Variants in HPS1 observed in about 807,000 individuals in gnomAD.
HPS1 encodes the protein BLOC-3 complex member HPS1.
In HPS1, 59 loss-of-function variants were observed where a neutral mutation model predicts 90.6. That is an observed-to-expected ratio of 0.65 (90% CI 0.53 to 0.81). The LOEUF (loss-of-function observed/expected upper bound fraction) is 0.81, where lower values mean the gene tolerates loss of function less well. HPS1 is among the 30% of genes least tolerant of loss of function. The pLI is 0.00. For missense variants in HPS1, 849 were observed against 896.7 expected (o/e 0.95, Z 0.68); for synonymous variants, 388 against 384.4 (o/e 1.01, Z -0.11).
intron 3 of HPS1, among the ~76,000 whole-genome samples, chr10:98,438,195 T>C (rs1213058151): frequency 6.6e-6 from 1 of 152,176 alleles, no homozygotes; most frequent in Non-Finnish European, 1.5e-5. Flanking sequence ...AGTAAATTGG[T>C]ACCACAGAGA....
intron 1 of HPS1, 43 bp downstream of exon 1, chr10:98,446,764 G>A (rs1591184881): frequency 6.6e-6 from 1 of 152,346 alleles, no homozygotes; most frequent in Non-Finnish European, 1.5e-5. Flanking sequence ...CGGAGTGGGT[G>A]AGGCTAGGAG....
intron 8 of HPS1, 127 bp downstream of exon 8, chr10:98,430,444 C>G: frequency 1.3e-6 from 1 of 748,786 alleles, no homozygotes; most frequent in South Asian, 1.5e-5. Flanking sequence ...TCACGCCCAA[C>G]CACACACCCA....
Position 98,423,796 on chromosome 10 carries a change from G to A in HPS1, c.1489C>T (p.His497Tyr). Reference protein sequence around the residue: ...LTTAPSRGGPHLPQHLQDQVQ... With the variant: ...LTTAPSRGGPYLPQHLQDQVQ... ...TGGTCCTGCAGGTGCTGGGGCAGGTGTGGGCCTCCCCTGCTGGGGGCTGTG... is the reference window on the plus strand; with the variant it reads ...TGGTCCTGCAGGTGCTGGGGCAGGTATGGGCCTCCCCTGCTGGGGGCTGTG... The change falls in exon 15 of 20, where the codon CAC becomes TAC. Residue 497 changes from histidine (H) to tyrosine (Y), a missense_variant. His to Tyr is a moderately conservative substitution (Grantham distance 83). Coordinates refer to ENST00000361490, the MANE Select transcript of HPS1 (RefSeq NM_000195.5). The A allele has an allele frequency of 6.2e-7, 1 of 1,614,072 alleles. No homozygotes were observed. The highest frequency in any genetic ancestry group is 1.1e-5 in the South Asian group (1 of 91,088).
In HPS1 at chr10:98,417,575, G is replaced by T. The variant is rs1422023602; in HGVS notation, c.2092C>A (p.Pro698Thr). 3 of 1,611,068 alleles carry T rather than the reference G, an allele frequency of 1.9e-6. No individual in the cohort carries two copies. Among genetic ancestry groups the T allele is most frequent in the Non-Finnish European group, 2.5e-6 (3 of 1,179,342 alleles). Residue 698 changes from proline (P) to threonine (T), a missense_variant, in exon 20 of 20, where the codon CCC becomes ACC. Coordinates refer to ENST00000361490, the MANE Select transcript of HPS1 (RefSeq NM_000195.5). The surrounding 1 kb of genome is among the most constrained non-coding windows in gnomAD (Gnocchi z 4.2). Reference protein sequence around the residue: ...ARRLWEASRIPLL With the variant: ...ARRLWEASRITLL ...GCGGCCACCTTGGCCTAGAGCAGGG[G>T]GATACGGGAGGCCTCCCAGAGGCGC...
At position 98,443,205 on chromosome 10, in the gene HPS1, C is replaced by T. The variant is rs1253106638; in HGVS notation, c.36G>A (p.Glu12=). ...CCTGATCTGTCCAGTAGAAGAGGACCTCTGCGCCCTCAGTGGCCACCAAGA... is the reference window on the plus strand; with the variant it reads ...CCTGATCTGTCCAGTAGAAGAGGACTTCTGCGCCCTCAGTGGCCACCAAGA... The part of the protein sequence containing the change: ...KCVLVATEGA[E]VLFYWTDQEF... Residue 12 remains glutamate (E), a synonymous_variant, in exon 3 of 20, where the codon GAG becomes GAA. Coordinates refer to ENST00000361490, the MANE Select transcript of HPS1 (RefSeq NM_000195.5). 6.2e-7 allele frequency: 1 copy of T among 1,614,108 alleles called. No homozygotes were observed. The highest frequency in any genetic ancestry group is 8.5e-7 in the Non-Finnish European group (1 of 1,180,014).
At position 98,435,126 on chromosome 10, in the gene HPS1, G is replaced by T. The variant is rs1329195207; in HGVS notation, c.398+146C>A. 1.0e-5 allele frequency: 9 copies of T among 873,318 alleles called. No homozygotes were observed. The highest frequency in any genetic ancestry group is 7.4e-5 in the South Asian group (5 of 67,864). The allele number at this position is 873,318 out of a possible 1,614,324, so 54.1% of individuals were successfully genotyped here. A position where few individuals can be genotyped will look rare whatever the true frequency, so the allele number is the denominator to read the frequency against. On this transcript the variant is annotated intron_variant, in intron 5 of 19. Coordinates refer to ENST00000361490, the MANE Select transcript of HPS1 (RefSeq NM_000195.5). This position sits in a 1 kb window ranked among gnomAD's most constrained non-coding sequence, Gnocchi z 4.3. ...GAGGGTCAGACCAGATGGTCTCCAA[G>T]GTTCACTTGAGCTGTTTCTCTGACC...
intron 3 of HPS1, among the ~76,000 whole-genome samples, chr10:98,441,523 C>T (rs559011912): frequency 2.0e-5 from 3 of 152,264 alleles, no homozygotes; most frequent in East Asian, 3.9e-4. Context: ...TGGATAAACT[C>T]GAGTTCTAAT....
In HPS1 at chr10:98,444,947, G is replaced by A. The variant is rs557717981; in HGVS notation, c.-1+353C>T. 2.8e-3 allele frequency among the ~76,000 whole-genome samples: 421 copies of A among 152,324 alleles called. 1 individual carries two copies. Among genetic ancestry groups the A allele is most frequent in the Non-Finnish European group, 5.0e-3 (337 of 68,030 alleles). On this transcript the variant is annotated intron_variant, in intron 2 of 19. Coordinates refer to ENST00000361490, the MANE Select transcript of HPS1 (RefSeq NM_000195.5). The stretch of plus-strand genomic sequence containing the variant: ...AGCAGTGGGCTATGGAATGGAGGCT[G>A]TGGTTGTGAGCGGAGAAGTGACCGG...
At chr10:98,414,013 TTAAAA>T (rs1340130176), downstream of HPS1, 2 of 152,226 alleles carry the variant, frequency 1.3e-5, no homozygotes, top group African/African-American at 4.8e-5. Context: ...ATTTCAATAT[TTAAAA>T]TAAGCATGTG....
chr10:98,430,096 A>G (rs1306810169), intron 8 of HPS1, among the ~76,000 whole-genome samples: 1 of 152,130 alleles, frequency 6.6e-6, no homozygotes, highest in East Asian at 1.9e-4. Context: ...TTCCAACACA[A>G]TGGTATCCAA....
In HPS1 at chr10:98,424,476, C is replaced by T. The variant is rs1845335645; in HGVS notation, c.1336-102G>A. 1.5e-5 allele frequency: 15 copies of T among 998,450 alleles called. No individual in the cohort carries two copies. The Admixed American group carries it at 2.9e-4, about 20-fold the overall frequency. The allele number at this position is 998,450 out of a possible 1,614,324, so 61.8% of individuals were successfully genotyped here. A position where few individuals can be genotyped will look rare whatever the true frequency, so the allele number is the denominator to read the frequency against. On this transcript the variant is annotated intron_variant, in intron 13 of 19. Coordinates refer to ENST00000361490, the MANE Select transcript of HPS1 (RefSeq NM_000195.5). ...CAGGCTCTGAGAGGGCACAGGGCCC[C>T]CAGACAAATCTGCCCTTCTGGCCAA...
At position 98,431,162 on chromosome 10, in the gene HPS1, C is replaced by T. The variant is rs780017737; in HGVS notation, c.637G>A (p.Val213Met). ...TAGAATGCCAGCAGCTTGGAGTGCA[C>T]GAGCAGGAAGGCATGCAGGGCCTCC... Reference protein sequence around the residue: ...GEEALHAFLLVHSKLLAFYSS... With the variant: ...GEEALHAFLLMHSKLLAFYSS... The change falls in exon 7 of 20, where the codon GTG becomes ATG. Residue 213 changes from valine to methionine, a missense_variant. Physicochemically the swap from Val to Met is conservative, Grantham distance 21 (BLOSUM62 1). Transcript: ENST00000361490. The T allele has an allele frequency of 3.2e-5, 51 of 1,614,036 alleles. No homozygotes were observed. The highest frequency in any genetic ancestry group is 4.0e-5 in the African/African-American group (3 of 74,950).
chr10:98,442,846 A>G, intron 3 of HPS1: 1 of 458,462 alleles, frequency 2.2e-6, no homozygotes, highest in South Asian at 2.1e-5. Flanking sequence ...GATGGCTCCA[A>G]GTTCTTCTGT....
At chr10:98,426,816 C>T (rs951795031) in intron 11 of HPS1, among the ~76,000 whole-genome samples, 6 of 151,474 alleles carry the variant, frequency 4.0e-5, no homozygotes, top group Non-Finnish European at 7.4e-5. Context: ...GGAAACACCC[C>T]AAGATGTTAA....
At position 98,443,108 on chromosome 10, in the gene HPS1, C is replaced by T; in HGVS notation, c.117+16G>A. ...TTCCTATCCACCCCTCCTGGGACTGCCTACCCTGCACTCACCTCTTCTTCC... is the reference window on the plus strand; with the variant it reads ...TTCCTATCCACCCCTCCTGGGACTGTCTACCCTGCACTCACCTCTTCTTCC... On this transcript the variant is annotated intron_variant, in intron 3 of 19. Coordinates refer to ENST00000361490, the MANE Select transcript of HPS1 (RefSeq NM_000195.5). 1 of 1,560,340 alleles carries T rather than the reference C, an allele frequency of 6.4e-7. No homozygotes were observed. The highest frequency in any genetic ancestry group is 8.8e-7 in the Non-Finnish European group (1 of 1,130,984).
chr10:98,435,436 T>A lies in HPS1; in HGVS notation c.256-22A>T. 3 of 1,613,576 alleles carry A rather than the reference T, an allele frequency of 1.9e-6. No individual in the cohort carries two copies. The highest frequency in any genetic ancestry group is 2.5e-6 in the Non-Finnish European group (3 of 1,179,972). ...CAAACTGCAGGCACAGGCAGGCCAGTGTCAGCCAGCCCCAAGGGCACTCCC... is the reference window on the plus strand; with the variant it reads ...CAAACTGCAGGCACAGGCAGGCCAGAGTCAGCCAGCCCCAAGGGCACTCCC... On this transcript the variant is annotated intron_variant, in intron 4 of 19. Coordinates refer to ENST00000361490, the MANE Select transcript of HPS1 (RefSeq NM_000195.5). The surrounding 1 kb of genome is among the most constrained non-coding windows in gnomAD (Gnocchi z 4.3).
intron 6 of HPS1, among the ~76,000 whole-genome samples, chr10:98,431,545 G>C (rs1846478785): frequency 6.6e-6 from 1 of 152,256 alleles, no homozygotes; most frequent in Non-Finnish European, 1.5e-5. Context: ...TAAGCACCAA[G>C]TACAAAATAC....
In HPS1 at chr10:98,425,889, A is replaced by C; in HGVS notation, c.1084T>G (p.Cys362Gly). ...FLDANVKESY[C>G]PLVPHTMYCL... is the part of the protein sequence containing the mutation. ...TACATGGTGTGGGGCACTAGGGGGC[A>C]GTAGCTTTCCTTCACGTTGGCATCC... The change falls in exon 12 of 20, where the codon TGC (cysteine) becomes GGC (glycine). Residue 362 changes from cysteine to glycine, a missense_variant. Coordinates refer to ENST00000361490, the MANE Select transcript of HPS1 (RefSeq NM_000195.5). 6.2e-7 allele frequency: 1 copy of C among 1,614,162 alleles called. No individual in the cohort carries two copies. The highest frequency in any genetic ancestry group is 2.2e-5 in the East Asian group (1 of 44,876).
intron 3 of HPS1, 164 bp downstream of exon 3, chr10:98,442,960 T>C: frequency 1.4e-6 from 1 of 714,492 alleles, no homozygotes; most frequent in Non-Finnish European, 2.6e-6. Flanking sequence ...AGGCCAACCT[T>C]GAGGATAAGG....
Sources: gnomAD v4.1 joint callset for allele counts (sites outside exome capture counted in the v4.1 genomes callset) on GRCh38, gnomAD v4.1.1 for gene constraint, Gnocchi (gnomAD v3.1) non-coding constraint, MANE v1.5 for transcripts, NCBI Gene and HGNC (gene_info 2026-07-23, HGNC 2026-07-21) for gene names.